The following LEF1 variants were observed in gnomAD, a reference collection of about 807,000 sequenced individuals.
LEF1 encodes lymphoid enhancer binding factor 1.
Under a neutral mutation model 51.2 loss-of-function variants are expected in LEF1, and 14 were observed. That is an observed-to-expected ratio of 0.27 (90% CI 0.18 to 0.43). LEF1 has a LOEUF of 0.43. Among genes scored for constraint, LEF1 ranks in the 20% least tolerant of loss-of-function variants. The probability of loss-of-function intolerance (pLI) is 1.00; values close to 1 mark genes in which losing one functional copy is unlikely to be tolerated. For missense variants in LEF1, 386 were observed against 512.0 expected (o/e 0.75, Z 2.37); for synonymous variants, 185 against 183.2 (o/e 1.01, Z -0.08).
chr4:108,129,521 A>C (rs1334152026), intron 3 of LEF1, among the ~76,000 whole-genome samples: 1 of 152,210 alleles, frequency 6.6e-6, no homozygotes, highest in African/African-American at 2.4e-5. Flanking sequence ...GTTCTATAAA[A>C]ACATGGTCCT....
intron 11 of LEF1, among the ~76,000 whole-genome samples, chr4:108,050,065 A>T (rs1736879547): frequency 6.6e-6 from 1 of 152,250 alleles, no homozygotes; most frequent in Non-Finnish European, 1.5e-5. Context: ...CAGAACTGCA[A>T]AGAAGCTATT....
chr4:108,133,699 C>T (rs768156685), intron 3 of LEF1, among the ~76,000 whole-genome samples: 14 of 152,224 alleles, frequency 9.2e-5, no homozygotes, highest in African/African-American at 1.2e-4. Context: ...TCAATAAATG[C>T]GGGGTTGGGA....
At chr4:108,075,934 G>A (rs1738825421) in intron 8 of LEF1, among the ~76,000 whole-genome samples, 1 of 152,186 alleles carries the variant, frequency 6.6e-6, no homozygotes, top group Non-Finnish European at 1.5e-5. Context: ...TCCATGTAAA[G>A]CCTCATGGTA....
rs1736800774 is a variant in LEF1, at chr4:108,048,978, C to T, written c.*7-227G>A. On this transcript the variant is annotated intron_variant, in intron 11 of 11. Transcript: ENST00000265165. The stretch of plus-strand genomic sequence containing the variant: ...ACTTTGGTTCCATGTATACGTATGC[C>T]CAGAGTTATGATGTGAAGTGTAGTG... Among the ~76,000 whole-genome samples the T allele has an allele frequency of 2.0e-5, 3 of 151,908 alleles. 1 individual carries two copies. In the South Asian group the frequency reaches 6.2e-4, roughly 31 times the overall value.
At chr4:108,165,227 G>T in intron 1 of LEF1, 64 bp from the exon 2 acceptor site, 1 of 1,437,450 alleles carries the variant, frequency 7.0e-7, no homozygotes, top group Non-Finnish European at 9.8e-7. Context: ...GACAATAATG[G>T]TACAAATGTG....
intron 7 of LEF1, among the ~76,000 whole-genome samples, chr4:108,078,762 G>A (rs1739085343): frequency 6.6e-6 from 1 of 152,166 alleles, no homozygotes; most frequent in Non-Finnish European, 1.5e-5. Flanking sequence ...ACACAGCACA[G>A]GTGATCATTC....
chr4:108,093,283 A>C (rs998125178), intron 3 of LEF1, among the ~76,000 whole-genome samples: 10 of 152,158 alleles, frequency 6.6e-5, no homozygotes, highest in Non-Finnish European at 1.3e-4. Context: ...GCAGTAGAAA[A>C]GTTCGATCCT....
chr4:108,073,827 C>G (rs918199556), intron 8 of LEF1, among the ~76,000 whole-genome samples: 4 of 151,546 alleles, frequency 2.6e-5, no homozygotes, highest in South Asian at 2.1e-4. Flanking sequence ...CTGATAACCC[C>G]CCCCCCTTTT....
chr4:108,131,644 G>A (rs1742905370), intron 3 of LEF1, among the ~76,000 whole-genome samples: 1 of 152,146 alleles, frequency 6.6e-6, no homozygotes, highest in Non-Finnish European at 1.5e-5. Context: ...TAGTACACAA[G>A]CTGATATAAG....
intron 3 of LEF1, among the ~76,000 whole-genome samples, chr4:108,157,193 C>T (rs985818379): frequency 4.1e-4 from 61 of 148,832 alleles, no homozygotes; most frequent in African/African-American, 1.3e-3. Context: ...CACACACACA[C>T]ACACACACAC....
At chr4:108,108,546 G>C (rs1232219909) in intron 3 of LEF1, among the ~76,000 whole-genome samples, 1 of 152,094 alleles carries the variant, frequency 6.6e-6, no homozygotes, top group Non-Finnish European at 1.5e-5. Context: ...AAATGTGGGA[G>C]ATGTCCAGTG....
At chr4:108,131,678 T>G (rs1742907075) in intron 3 of LEF1, among the ~76,000 whole-genome samples, 1 of 152,232 alleles carries the variant, frequency 6.6e-6, no homozygotes, top group African/African-American at 2.4e-5. Flanking sequence ...TTATGGCTTC[T>G]ATGAGACATG....
chr4:108,163,656 G>A lies in LEF1; in HGVS notation c.326C>T (p.Ser109Leu), dbSNP rs777997623. Reference protein sequence around the residue: ...GGLYNKGPSYSSYSGYIMMPN... With the variant: ...GGLYNKGPSYLSYSGYIMMPN... Reference sequence around the variant, plus strand: ...CATCATTATGTACCCGGAATAACTCGAGTAGGAGGGTCCCTTGTTGTAGAG... The same window carrying A: ...CATCATTATGTACCCGGAATAACTCAAGTAGGAGGGTCCCTTGTTGTAGAG... The change falls in exon 3 of 12, where the codon TCG becomes TTG. Residue 109 changes from serine to leucine, a missense_variant. Physicochemically the swap from Ser to Leu is moderately radical, Grantham distance 145. Around this residue, in one of 2 missense-constraint regions of LEF1, gnomAD observed 335 missense variants for 390.7 expected, o/e 0.86. Coordinates refer to ENST00000265165, the MANE Select transcript of LEF1 (RefSeq NM_016269.5). 41 of 1,613,760 alleles carry A rather than the reference G, an allele frequency of 2.5e-5. No homozygotes were observed. Among genetic ancestry groups the A allele is most frequent in the African/African-American group, 4.0e-5 (3 of 74,920 alleles).
intron 3 of LEF1, among the ~76,000 whole-genome samples, chr4:108,161,245 C>T (rs1420154729): frequency 6.6e-6 from 1 of 152,062 alleles, no homozygotes; most frequent in African/African-American, 2.4e-5. Context: ...TAACTCACTT[C>T]GGTTGGACCC....
chr4:108,090,062 C>T (rs376313350), intron 3 of LEF1, among the ~76,000 whole-genome samples: 4 of 151,968 alleles, frequency 2.6e-5, no homozygotes, highest in African/African-American at 9.7e-5. Flanking sequence ...CTCACTGCAA[C>T]CTCCACCTTC....
chr4:108,115,223 G>A (rs1159537201), intron 3 of LEF1, among the ~76,000 whole-genome samples: 1 of 152,182 alleles, frequency 6.6e-6, no homozygotes, highest in Non-Finnish European at 1.5e-5. Context: ...AAATAGATCA[G>A]AGATCAATAG....
intron 3 of LEF1, among the ~76,000 whole-genome samples, chr4:108,120,253 A>C (rs1742093175): frequency 6.6e-6 from 1 of 151,932 alleles, no homozygotes; most frequent in Admixed American, 6.6e-5. Flanking sequence ...CTGGTCTCAA[A>C]CTCCTGGACT....
intron 3 of LEF1, among the ~76,000 whole-genome samples, chr4:108,154,382 A>G (rs1444546482): frequency 6.9e-6 from 1 of 145,050 alleles, no homozygotes; most frequent in South Asian, 2.3e-4. Flanking sequence ...TCACATTAGG[A>G]TTAAATTAAA....
chr4:108,090,014 T>C (rs889160843), intron 3 of LEF1, among the ~76,000 whole-genome samples: 4 of 152,162 alleles, frequency 2.6e-5, no homozygotes, highest in African/African-American at 9.7e-5. Flanking sequence ...GGAGTTTCAC[T>C]GTGTCGCCCA....
Sources: allele counts gnomAD v4.1 joint callset (sites outside exome capture counted in the v4.1 genomes callset), GRCh38; gene constraint gnomAD v4.1.1; regional missense constraint gnomAD v4.1.1; transcripts MANE v1.5; gene names NCBI Gene and HGNC (gene_info 2026-07-23, HGNC 2026-07-21).